The following MEGF9 variants were observed in gnomAD, a reference collection of about 807,000 sequenced individuals.
The protein encoded by MEGF9 is multiple EGF like domains 9.
MEGF9 carries 6 observed loss-of-function variants against 46.8 expected under a neutral mutation model. The ratio of observed to expected loss-of-function variants is 0.13; its 90% CI spans 0.07 to 0.25. The LOEUF (loss-of-function observed/expected upper bound fraction) is 0.25, where lower values mean the gene tolerates loss of function less well. Ranked by LOEUF, MEGF9 falls within the 10% of genes least tolerant of loss-of-function variation. The probability of loss-of-function intolerance (pLI) is 1.00; values close to 1 mark genes in which losing one functional copy is unlikely to be tolerated. For synonymous variants in MEGF9, 302 were observed against 330.7 expected, an observed-to-expected ratio of 0.91 and a Z score of 0.94; for missense variants, 683 against 792.4, an observed-to-expected ratio of 0.86 and a Z score of 1.66.
At position 120,714,307 on chromosome 9, in the gene MEGF9, GGCC is replaced by G. The variant is rs2132350261; in HGVS notation, c.49_51del (p.Gly17del). 3 of 1,334,454 alleles carry G rather than the reference GGCC, an allele frequency of 2.2e-6. No homozygotes were observed. In the South Asian group the frequency reaches 5.5e-5, roughly 25 times the overall value. The allele number at this position is 1,334,454 out of a possible 1,614,324, so 82.7% of individuals were successfully genotyped here. On this transcript the variant is annotated inframe_deletion, in exon 1 of 6. Transcript: ENST00000373930. ...GCGGCGGCGCAGCACAACAGGGCGAGGCCGCCCAGGCTCGGCAGGCTCCTCATG... is the reference window on the plus strand; with the variant it reads ...GCGGCGGCGCAGCACAACAGGGCGAGGCCCAGGCTCGGCAGGCTCCTCATG...
At chr9:120,613,002 A>G (rs1478886026) in intron 3 of MEGF9, among the ~76,000 whole-genome samples, 6 of 149,928 alleles carry the variant, frequency 4.0e-5, no homozygotes, top group Non-Finnish European at 7.4e-5. Flanking sequence ...ACACCCGGCT[A>G]ATTTTTAAAT....
intron 1 of MEGF9, among the ~76,000 whole-genome samples, chr9:120,699,986 A>C (rs1017088838): frequency 6.6e-6 from 1 of 152,188 alleles, no homozygotes; most frequent in Non-Finnish European, 1.5e-5. Flanking sequence ...TATATAAATG[A>C]ATGTGTTTAT....
intron 2 of MEGF9, among the ~76,000 whole-genome samples, chr9:120,623,538 T>C (rs1221988558): frequency 6.6e-6 from 1 of 152,194 alleles, no homozygotes; most frequent in African/African-American, 2.4e-5. Context: ...TTTGTACTGA[T>C]CATAGTATAG....
At position 120,699,351 on chromosome 9, in the gene MEGF9, G is replaced by A. The variant is rs116216590; in HGVS notation, c.601+14407C>T. On this transcript the variant is annotated intron_variant, in intron 1 of 5. Coordinates refer to ENST00000373930, the MANE Select transcript of MEGF9 (RefSeq NM_001080497.3). ...CAGTGATTTTAAAAAAGCTTTATGG[G>A]ACAGCTTTTTTCTCTATTTTTCATT... 8.8e-3 allele frequency among the ~76,000 whole-genome samples: 1,338 copies of A among 151,924 alleles called. 21 individuals carry two copies. The highest frequency in any genetic ancestry group is 0.03 in the African/African-American group (1,263 of 41,412).
rs1002112185 is a variant in MEGF9 at position 120,632,734 on chromosome 9, T to A, written c.804-9979A>T. ...CTGTATGATGCTGGCTGTTGGTTTG[T>A]CATATTGGCCTTTATTATTCTGAGG... On this transcript the variant is annotated intron_variant, in intron 2 of 5. Transcript: ENST00000373930. 5.3e-5 allele frequency among the ~76,000 whole-genome samples: 8 copies of A among 152,216 alleles called. No individual in the cohort carries two copies. The South Asian group carries it at 1.7e-3, about 32-fold the overall frequency.
chr9:120,713,746 C>G lies in MEGF9; in HGVS notation c.601+12G>C, dbSNP rs1054453111. 7.8e-7 allele frequency: 1 copy of G among 1,285,504 alleles called. No individual in the cohort carries two copies. Among genetic ancestry groups the G allele is most frequent in the Non-Finnish European group, 9.8e-7 (1 of 1,016,966 alleles). The allele number at this position is 1,285,504 out of a possible 1,614,324, so 79.6% of individuals were successfully genotyped here. A position where few individuals can be genotyped will look rare whatever the true frequency, so the allele number is the denominator to read the frequency against. Reference sequence around the variant, plus strand: ...AGGACGGGTCCTGCCCGAGAGGGAGCGCCGGACTCACCTGGAGGAGGCGAA... The same window carrying G: ...AGGACGGGTCCTGCCCGAGAGGGAGGGCCGGACTCACCTGGAGGAGGCGAA... On this transcript the variant is annotated intron_variant, in intron 1 of 5. Transcript: ENST00000373930.
At chr9:120,708,281 C>T (rs2043937577) in intron 1 of MEGF9, among the ~76,000 whole-genome samples, 1 of 152,194 alleles carries the variant, frequency 6.6e-6, no homozygotes, top group African/African-American at 2.4e-5. Context: ...AGGAGAATCA[C>T]TTGAACCGGG....
At chr9:120,654,056 C>T (rs2043665490) in intron 2 of MEGF9, among the ~76,000 whole-genome samples, 1 of 152,134 alleles carries the variant, frequency 6.6e-6, no homozygotes. Flanking sequence ...GAAGAACACT[C>T]TGAGAGCAGC....
At chr9:120,697,185 C>A (rs1382626471) in intron 1 of MEGF9, among the ~76,000 whole-genome samples, 2 of 152,196 alleles carry the variant, frequency 1.3e-5, no homozygotes, top group African/African-American at 2.4e-5. Flanking sequence ...TGGGCACAAG[C>A]AATCCTCCCA....
intron 3 of MEGF9, among the ~76,000 whole-genome samples, chr9:120,616,023 G>C (rs1221954089): frequency 6.6e-6 from 1 of 152,158 alleles, no homozygotes; most frequent in Non-Finnish European, 1.5e-5. Context: ...ATAAATTAAA[G>C]ATAGGCCAGA....
chr9:120,621,015 A>AT (rs1040501946), intron 3 of MEGF9, among the ~76,000 whole-genome samples: 3 of 151,776 alleles, frequency 2.0e-5, no homozygotes, highest in Non-Finnish European at 2.9e-5. Context: ...GTGTGTCCTG[A>AT]TTTTTTTTGC....
intron 3 of MEGF9, among the ~76,000 whole-genome samples, chr9:120,613,041 T>A (rs1304889586): frequency 3.3e-5 from 5 of 151,966 alleles, no homozygotes; most frequent in African/African-American, 1.2e-4. Context: ...TTCACTGTGT[T>A]GCCCAGGCTG....
At chr9:120,619,824 C>T (rs1417584965) in intron 3 of MEGF9, among the ~76,000 whole-genome samples, 1 of 152,114 alleles carries the variant, frequency 6.6e-6, no homozygotes, top group African/African-American at 2.4e-5. Flanking sequence ...ATATATCTTA[C>T]CACAAAAAAA....
chr9:120,651,329 C>A (rs1003628603), intron 2 of MEGF9, among the ~76,000 whole-genome samples: 2 of 152,218 alleles, frequency 1.3e-5, no homozygotes, highest in Admixed American at 6.5e-5. Context: ...AATACTCACT[C>A]TCTTTGCTCA....
intron 2 of MEGF9, among the ~76,000 whole-genome samples, chr9:120,636,755 G>C (rs569480026): frequency 6.6e-6 from 1 of 151,868 alleles, no homozygotes; most frequent in Non-Finnish European, 1.5e-5. Flanking sequence ...GCCTCCGCCC[G>C]GCCGCCCCAT....
At chr9:120,685,055 C>T (rs1047995862) in intron 1 of MEGF9, among the ~76,000 whole-genome samples, 2 of 152,160 alleles carry the variant, frequency 1.3e-5, no homozygotes, top group South Asian at 2.1e-4. Flanking sequence ...AGGATGGTCT[C>T]GATCTCCTGA....
At chr9:120,709,516 T>G (rs1187163582) in intron 1 of MEGF9, among the ~76,000 whole-genome samples, 1 of 152,004 alleles carries the variant, frequency 6.6e-6, no homozygotes, top group Non-Finnish European at 1.5e-5. Flanking sequence ...GAGCTGAAAT[T>G]ATTTGGCCAA....
rs796308072 is a variant in MEGF9 at position 120,675,671 on chromosome 9, A to G, written c.602-16096T>C. Among the ~76,000 whole-genome samples the G allele has an allele frequency of 1.9e-3, 286 of 150,936 alleles. 5 individuals carry two copies. The highest frequency in any genetic ancestry group is 6.6e-3 in the African/African-American group (269 of 40,836). On this transcript the variant is annotated intron_variant, in intron 1 of 5. Coordinates refer to ENST00000373930, the MANE Select transcript of MEGF9 (RefSeq NM_001080497.3). ...TGGGAGGCCGAGGGGGGTGGATCAC[A>G]AGGTCAGGAGTTCAAGACCAGCCTG...
intron 2 of MEGF9, among the ~76,000 whole-genome samples, chr9:120,633,493 T>G (rs927685143): frequency 1.3e-5 from 2 of 152,122 alleles, no homozygotes; most frequent in Non-Finnish European, 2.9e-5. Flanking sequence ...TCTTTTTTTC[T>G]TGGTTAGTCT....
Sources: allele counts gnomAD v4.1 joint callset (sites outside exome capture counted in the v4.1 genomes callset), GRCh38; gene constraint gnomAD v4.1.1; transcripts MANE v1.5; gene names NCBI Gene and HGNC (gene_info 2026-07-23, HGNC 2026-07-21).